Variants in CADPS2 observed in about 807,000 individuals in gnomAD.
The protein encoded by CADPS2 is calcium-dependent secretion activator 2.
A neutral mutation model predicts 172.5 loss-of-function variants in CADPS2; 93 were observed. The ratio of observed to expected loss-of-function variants is 0.54; its 90% CI spans 0.46 to 0.64. CADPS2 has a LOEUF of 0.64. Ranked by LOEUF, CADPS2 falls within the 30% of genes least tolerant of loss-of-function variation. The probability of loss-of-function intolerance (pLI) is 0.00; values close to 1 mark genes in which losing one functional copy is unlikely to be tolerated. For synonymous variants in CADPS2, 546 were observed against 555.2 expected (o/e 0.98, Z 0.23); for missense variants, 1,420 against 1,565.9 (o/e 0.91, Z 1.57).
Position 122,424,496 on chromosome 7 carries a change from G to T in CADPS2, c.2477-8332C>A, listed in dbSNP as rs114776922. ...ACCCATGACTGGTGAGCCATAAAAT[G>T]TCAGATACATGTGAGGTAAAAGTCA... On this transcript the variant is annotated intron_variant, in intron 17 of 29. Coordinates refer to ENST00000449022, the MANE Select transcript of CADPS2 (RefSeq NM_017954.11). The T allele has an allele frequency of 9.1e-3, 1,478 of 162,356 alleles. 28 individuals carry two copies. The highest frequency in any genetic ancestry group is 0.034 in the African/African-American group (1,400 of 41,682). 10.1% of individuals were successfully genotyped at this position (162,356 alleles called of 1,614,324 possible). A position where few individuals can be genotyped will look rare whatever the true frequency, so the allele number is the denominator to read the frequency against.
intron 7 of CADPS2, among the ~76,000 whole-genome samples, chr7:122,562,414 AC>A (rs1412674560): frequency 6.6e-6 from 1 of 152,164 alleles, no homozygotes; most frequent in Non-Finnish European, 1.5e-5. Flanking sequence ...AATGTAGGCA[AC>A]CCGCAGAAAT....
At chr7:122,684,201 C>T (rs1351063017) in intron 2 of CADPS2, among the ~76,000 whole-genome samples, 2 of 152,006 alleles carry the variant, frequency 1.3e-5, no homozygotes, top group Non-Finnish European at 2.9e-5. Flanking sequence ...ATCCATCAGC[C>T]TGTGGTTAAA....
At chr7:122,474,354 T>C (rs1179962591) in intron 13 of CADPS2, 27 bp downstream of exon 13, 9 of 1,603,412 alleles carry the variant, frequency 5.6e-6, no homozygotes, top group African/African-American at 4.0e-5. Context: ...TTCCAACTTA[T>C]AGGGGACTAG....
intron 1 of CADPS2, among the ~76,000 whole-genome samples, chr7:122,834,691 G>C (rs1282405886): frequency 6.6e-6 from 1 of 152,214 alleles, no homozygotes; most frequent in Non-Finnish European, 1.5e-5. Context: ...CTCACTGCTA[G>C]CACAGCAGTC....
At chr7:122,858,153 T>C (rs530880572) in intron 1 of CADPS2, among the ~76,000 whole-genome samples, 1 of 152,088 alleles carries the variant, frequency 6.6e-6, no homozygotes, top group African/African-American at 2.4e-5. Context: ...CCATTTTACA[T>C]AGTGCCAATT....
At chr7:122,731,402 C>A (rs2091626991) in intron 2 of CADPS2, among the ~76,000 whole-genome samples, 1 of 151,738 alleles carries the variant, frequency 6.6e-6, no homozygotes, top group South Asian at 2.1e-4. Flanking sequence ...CACTGTAAAT[C>A]ACATTGTCAT....
chr7:122,705,131 T>C (rs2086786546), intron 2 of CADPS2, among the ~76,000 whole-genome samples: 1 of 151,836 alleles, frequency 6.6e-6, no homozygotes, highest in African/African-American at 2.4e-5. Flanking sequence ...ATTTCTCTAG[T>C]TTTCCCTGGA....
At chr7:122,625,011 C>G (rs541454531) in intron 4 of CADPS2, among the ~76,000 whole-genome samples, 27 of 151,784 alleles carry the variant, frequency 1.8e-4, no homozygotes, top group African/African-American at 6.3e-4. Flanking sequence ...GCAGATGATG[C>G]CCTTTGAGCT....
Position 122,484,430 on chromosome 7 carries a change from T to C in CADPS2, c.1853-3570A>G, listed in dbSNP as rs117033822. Among the ~76,000 whole-genome samples, 778 of 151,704 alleles carry C rather than the reference T, an allele frequency of 5.1e-3. 5 individuals carry two copies. The highest frequency in any genetic ancestry group is 0.017 in the Middle Eastern group (5 of 294). On this transcript the variant is annotated intron_variant, in intron 11 of 29. Coordinates refer to ENST00000449022, the MANE Select transcript of CADPS2 (RefSeq NM_017954.11). The stretch of plus-strand genomic sequence containing the variant: ...CGATAATCTCTTCAACTCTTTGTGT[T>C]AGAACAACTGGACATCCATATGCCA...
In CADPS2 at chr7:122,438,423, C is replaced by G. The variant is rs2050928097; in HGVS notation, c.2394G>C (p.Glu798Asp). 6.2e-7 allele frequency: 1 copy of G among 1,613,002 alleles called. No individual in the cohort carries two copies. The highest frequency in any genetic ancestry group is 8.5e-7 in the Non-Finnish European group (1 of 1,179,406). Residue 798 changes from glutamate to aspartate, a missense_variant, in exon 17 of 30, where the codon GAG becomes GAC. Physicochemically the swap from Glu to Asp is conservative, Grantham distance 45. Transcript: ENST00000449022. ...GACATTTTCTGACCACTTTCTTCACCTCTTCTGCTGGTATGGGAGTGGCAA... is the reference window on the plus strand; with the variant it reads ...GACATTTTCTGACCACTTTCTTCACGTCTTCTGCTGGTATGGGAGTGGCAA... The part of the protein sequence containing the change: ...KDIATPIPAE[E>D]VKKVVRKCLE...
intron 3 of CADPS2, among the ~76,000 whole-genome samples, chr7:122,654,961 G>A (rs552531624): frequency 2.0e-5 from 3 of 152,296 alleles, no homozygotes; most frequent in South Asian, 2.1e-4. Context: ...CCTCACAGAC[G>A]ACTTTGAGGG....
At chr7:122,688,619 T>C (rs1319957190) in intron 2 of CADPS2, among the ~76,000 whole-genome samples, 1 of 152,236 alleles carries the variant, frequency 6.6e-6, no homozygotes, top group Non-Finnish European at 1.5e-5. Context: ...TGGCTCTCCC[T>C]TGCCTTCAGG....
At chr7:122,785,471 G>C (rs894016974) in intron 1 of CADPS2, among the ~76,000 whole-genome samples, 2 of 152,112 alleles carry the variant, frequency 1.3e-5, no homozygotes, top group Non-Finnish European at 2.9e-5. Context: ...GAGGTACCCA[G>C]GCATTAGTAC....
intron 3 of CADPS2, among the ~76,000 whole-genome samples, chr7:122,659,182 AAGGAATTT>A (rs2080203437): frequency 6.6e-6 from 1 of 152,014 alleles, no homozygotes; most frequent in Admixed American, 6.6e-5. Context: ...ATTATCAAAC[AAGGAATTT>A]AGATTACTAT....
chr7:122,409,536 G>T, intron 19 of CADPS2: 1 of 330,922 alleles, frequency 3.0e-6, no homozygotes. Context: ...TCATTGTTTT[G>T]CAGAAGTATA....
intron 6 of CADPS2, among the ~76,000 whole-genome samples, chr7:122,603,681 T>C (rs552142977): frequency 2.0e-5 from 3 of 152,246 alleles, no homozygotes; most frequent in South Asian, 2.1e-4. Context: ...GTGGCAAAGC[T>C]AGGATTTATA....
At chr7:122,578,287 A>G (rs1347275809) in intron 7 of CADPS2, among the ~76,000 whole-genome samples, 1 of 152,034 alleles carries the variant, frequency 6.6e-6, no homozygotes, top group Non-Finnish European at 1.5e-5. Flanking sequence ...ATTTTTTCCA[A>G]TTGTGTGTGT....
At chr7:122,366,303 A>G (rs929199844) in intron 25 of CADPS2, among the ~76,000 whole-genome samples, 1 of 151,684 alleles carries the variant, frequency 6.6e-6, no homozygotes, top group African/African-American at 2.4e-5. Context: ...TTAATATATG[A>G]TAATAAAATA....
At chr7:122,543,810 C>T (rs1385220411) in intron 8 of CADPS2, among the ~76,000 whole-genome samples, 1 of 152,086 alleles carries the variant, frequency 6.6e-6, no homozygotes, top group Non-Finnish European at 1.5e-5. Flanking sequence ...CCACTATGTT[C>T]TGAAGCATTT....
Sources: gnomAD v4.1 joint callset for allele counts (sites outside exome capture counted in the v4.1 genomes callset) on GRCh38, gnomAD v4.1.1 for gene constraint, MANE v1.5 for transcripts, NCBI Gene and HGNC (gene_info 2026-07-23, HGNC 2026-07-21) for gene names.